TMEM209: variants seen among roughly 807,000 people sequenced by gnomAD.
TMEM209 encodes transmembrane protein 209, also known as testicular tissue protein Li 202.
A neutral mutation model predicts 76.2 loss-of-function variants in TMEM209; 65 were observed. That is an observed-to-expected ratio of 0.85 (90% CI 0.70 to 1.05). The LOEUF is 1.05. TMEM209 is among the 50% of genes least tolerant of loss of function. TMEM209 has a pLI of 0.00. For synonymous variants in TMEM209, 239 were observed against 237.6 expected, an observed-to-expected ratio of 1.01 and a Z score of -0.06; for missense variants, 623 against 685.5, an observed-to-expected ratio of 0.91 and a Z score of 1.02.
intron 5 of TMEM209, among the ~76,000 whole-genome samples, chr7:130,194,284 G>A (rs1050469137): frequency 1.3e-5 from 2 of 150,602 alleles, no homozygotes; most frequent in African/African-American, 4.9e-5. Flanking sequence ...GGATGTACAT[G>A]AGATCTCTTG....
At chr7:130,192,520 G>T in intron 6 of TMEM209, 102 bp downstream of exon 6, 2 of 987,126 alleles carry the variant, frequency 2.0e-6, no homozygotes, top group Non-Finnish European at 3.1e-6. Flanking sequence ...AACATGCTAA[G>T]CTAATAAAGT....
chr7:130,174,133 G>C (rs1014229235), intron 11 of TMEM209, among the ~76,000 whole-genome samples, 194 bp from the exon 12 acceptor site: 48 of 152,070 alleles, frequency 3.2e-4, no homozygotes, highest in Non-Finnish European at 7.1e-4. Flanking sequence ...AAAACACATA[G>C]TTCAGGTAGC....
At position 130,185,253 on chromosome 7, in the gene TMEM209, G is replaced by A; in HGVS notation, c.890C>T (p.Ser297Phe). Residue 297 changes from serine to phenylalanine, a missense_variant, in exon 7 of 15, where the codon TCT becomes TTT. Transcript: ENST00000397622. ...KKFQYQLACR[S>F]QAPCANKDEA... The stretch of plus-strand genomic sequence containing the variant: ...ATCTTTGTTAGCACATGGGGCCTGA[G>A]ACCTACAGGCAAGCTGATACTGAAA... 3 of 1,614,006 alleles carry A rather than the reference G, an allele frequency of 1.9e-6. No homozygotes were observed. Among genetic ancestry groups the A allele is most frequent in the Non-Finnish European group, 2.5e-6 (3 of 1,179,892 alleles).
intron 5 of TMEM209, 84 bp downstream of exon 5, chr7:130,201,766 G>A (rs772364033): frequency 1.3e-6 from 2 of 1,532,512 alleles, no homozygotes; most frequent in Non-Finnish European, 8.8e-7. Flanking sequence ...TTTGCTCACT[G>A]ATAAGTTTTG....
intron 5 of TMEM209, among the ~76,000 whole-genome samples, chr7:130,194,147 C>G (rs11980404): frequency 0.061 from 9,112 of 150,214 alleles, 313 homozygotes; most frequent in Middle Eastern, 0.13. Context: ...TGCAGTGAGC[C>G]GAGATTGCAC....
intron 14 of TMEM209, among the ~76,000 whole-genome samples, chr7:130,168,630 T>C (rs1796952767): frequency 6.6e-6 from 1 of 152,162 alleles, no homozygotes; most frequent in Admixed American, 6.5e-5. Context: ...AATTAGATCA[T>C]AAAGTACTAT....
At position 130,166,295 on chromosome 7, in the gene TMEM209, C is replaced by T; in HGVS notation, c.*156G>A. 1 of 479,656 alleles carries T rather than the reference C, an allele frequency of 2.1e-6. No homozygotes were observed. 29.7% of individuals were successfully genotyped at this position (479,656 alleles called of 1,614,324 possible). A position where few individuals can be genotyped will look rare whatever the true frequency, so the allele number is the denominator to read the frequency against. ...GATACGGGACATATTTTTACAATTA[C>T]ATTTCATAACAGCTACATTTTCTGT... On this transcript the variant is annotated 3_prime_UTR_variant, in exon 15 of 15. Transcript: ENST00000397622.
In TMEM209 at chr7:130,192,833, A is replaced by G; in HGVS notation, c.574-10T>C. ...GGCTAAAGCTCGCCAACTATACAAA[A>G]TAAAAGATCTTTACTTTATTTTTCT... On this transcript the variant is annotated splice_polypyrimidine_tract_variant and intron_variant, in intron 5 of 14. Coordinates refer to ENST00000397622, the MANE Select transcript of TMEM209 (RefSeq NM_032842.4). The G allele has an allele frequency of 6.2e-7, 1 of 1,609,326 alleles. No homozygotes were observed.
chr7:130,192,705 T>A lies in TMEM209; in HGVS notation c.692A>T (p.Asp231Val), dbSNP rs190850344. The change falls in exon 6 of 15, where the codon GAC (aspartate) becomes GTC (valine). Residue 231 changes from aspartate (D) to valine (V), a missense_variant. Asp to Val is a radical substitution (Grantham distance 152). Coordinates refer to ENST00000397622, the MANE Select transcript of TMEM209 (RefSeq NM_032842.4). ...TAGGTCGGTCATGTAGTCTTCTTTGTCAGTAGGTGAGTTGTAGACGGTAGG... is the reference window on the plus strand; with the variant it reads ...TAGGTCGGTCATGTAGTCTTCTTTGACAGTAGGTGAGTTGTAGACGGTAGG... ...SSPTVYNSPT[D>V]KEDYMTDLRT... The A allele has an allele frequency of 7.8e-4, 1,261 of 1,613,816 alleles. 3 individuals carry two copies. The highest frequency in any genetic ancestry group is 1.5e-3 in the Admixed American group (92 of 60,018).
Position 130,192,829 on chromosome 7 carries a change from C to T in TMEM209, c.574-6G>A, listed in dbSNP as rs1161095888. 1 of 1,611,504 alleles carries T rather than the reference C, an allele frequency of 6.2e-7. No individual in the cohort carries two copies. The highest frequency in any genetic ancestry group is 8.5e-7 in the Non-Finnish European group (1 of 1,178,330). ...GAGGGGCTAAAGCTCGCCAACTATA[C>T]AAAATAAAAGATCTTTACTTTATTT... On this transcript the variant is annotated splice_region_variant and splice_polypyrimidine_tract_variant and intron_variant, in intron 5 of 14. Coordinates refer to ENST00000397622, the MANE Select transcript of TMEM209 (RefSeq NM_032842.4).
At chr7:130,193,973 C>T (rs369419316) in intron 5 of TMEM209, among the ~76,000 whole-genome samples, 2 of 151,558 alleles carry the variant, frequency 1.3e-5, no homozygotes, top group Non-Finnish European at 2.9e-5. Context: ...TCTAGGTGGG[C>T]GAATCACGGG....
intron 13 of TMEM209, among the ~76,000 whole-genome samples, chr7:130,173,002 A>AG (rs1340038503): frequency 7.3e-5 from 11 of 150,514 alleles, no homozygotes; most frequent in Non-Finnish European, 1.3e-4. Context: ...CTATCTCAAA[A>AG]AAAAAAAAAA....
chr7:130,172,518 G>T (rs922293329), intron 13 of TMEM209, among the ~76,000 whole-genome samples: 51 of 151,712 alleles, frequency 3.4e-4, no homozygotes, highest in Admixed American at 1.1e-3. Flanking sequence ...AATTTTTTTT[G>T]TATTTTTAGT....
At chr7:130,184,525 C>A (rs2697010) in intron 7 of TMEM209, among the ~76,000 whole-genome samples, 147,687 of 148,494 alleles carry the variant, frequency 0.99, 73,445 homozygotes, top group Middle Eastern at 1. Flanking sequence ...TGGAGTCTCT[C>A]TCTGTTGTCC....
At chr7:130,196,800 A>G (rs1797997168) in intron 5 of TMEM209, among the ~76,000 whole-genome samples, 1 of 152,224 alleles carries the variant, frequency 6.6e-6, no homozygotes, top group South Asian at 2.1e-4. Context: ...TCAGGCCACA[A>G]AGCCTGTGGC....
chr7:130,174,366 A>C (rs190491964), intron 11 of TMEM209, among the ~76,000 whole-genome samples: 18 of 152,302 alleles, frequency 1.2e-4, no homozygotes, highest in African/African-American at 4.3e-4. Context: ...TGAATACTCC[A>C]GCCTACGAAG....
chr7:130,191,492 C>T (rs1461931142), intron 6 of TMEM209, among the ~76,000 whole-genome samples: 5 of 152,046 alleles, frequency 3.3e-5, no homozygotes, highest in Non-Finnish European at 7.4e-5. Context: ...AGAGACTCTG[C>T]ATTCTGTTCA....
rs1287923680 is a variant in TMEM209, at chr7:130,175,605, T to G, written c.1251A>C (p.Leu417=). The G allele has an allele frequency of 4.3e-6, 7 of 1,611,298 alleles. No homozygotes were observed. The highest frequency in any genetic ancestry group is 2.5e-6 in the Non-Finnish European group (3 of 1,179,034). The change falls in exon 11 of 15, where the codon CTA becomes CTC. Residue 417 remains leucine (L), a synonymous_variant. Transcript: ENST00000397622. ...QEYLFERIKE[L]SQGGCMSSFR... is the part of the protein sequence containing the mutation. Reference sequence around the variant, plus strand: ...ATGAGCTCATACAACCTCCCTGAGATAGTTCTGTGGCAACAAGGTGAAATT... The same window carrying G: ...ATGAGCTCATACAACCTCCCTGAGAGAGTTCTGTGGCAACAAGGTGAAATT...
chr7:130,204,127 A>T lies in TMEM209; in HGVS notation c.4-17T>A. 6.3e-7 allele frequency: 1 copy of T among 1,596,300 alleles called. No individual in the cohort carries two copies. Among genetic ancestry groups the T allele is most frequent in the Non-Finnish European group, 8.5e-7 (1 of 1,173,596 alleles). ...CCCCTGCATCTATGAAAAAACAAAA[A>T]GCACAGGAATTAACCAGAAGAAACT... On this transcript the variant is annotated splice_polypyrimidine_tract_variant and intron_variant, in intron 1 of 14. Coordinates refer to ENST00000397622, the MANE Select transcript of TMEM209 (RefSeq NM_032842.4).
Sources: allele counts gnomAD v4.1 joint callset (sites outside exome capture counted in the v4.1 genomes callset), GRCh38; gene constraint gnomAD v4.1.1; transcripts MANE v1.5; gene names NCBI Gene and HGNC (gene_info 2026-07-23, HGNC 2026-07-21).